MYO1H: variants seen among roughly 807,000 people sequenced by gnomAD.
The protein encoded by MYO1H is unconventional myosin-Ih.
MYO1H carries 118 observed loss-of-function variants against 149.3 expected under a neutral mutation model. That is an observed-to-expected ratio of 0.79 (90% CI 0.68 to 0.92). MYO1H has a LOEUF of 0.92. MYO1H is among the 40% of genes least tolerant of loss of function. MYO1H has a pLI of 0.00. For synonymous variants in MYO1H, 447 were observed against 465.2 expected, an observed-to-expected ratio of 0.96 and a Z score of 0.50; for missense variants, 1,212 against 1,280.7, an observed-to-expected ratio of 0.95 and a Z score of 0.82.
chr12:109,326,148 G>C, the MYO1H span, among the ~76,000 whole-genome samples: 6 of 152,146 alleles, frequency 3.9e-5, no homozygotes, highest in Non-Finnish European at 8.8e-5. Context: ...CAGACTTCTC[G>C]GGCACAACCT....
At chr12:109,405,600 G>A (rs1052787446) in intron 7 of MYO1H, among the ~76,000 whole-genome samples, 7 of 152,136 alleles carry the variant, frequency 4.6e-5, no homozygotes, top group Non-Finnish European at 7.4e-5. Flanking sequence ...GTGAGCCACC[G>A]CGCCCGGCCA....
At chr12:109,369,810 C>A (rs1868944652) in intron 1 of MYO1H, among the ~76,000 whole-genome samples, 1 of 152,152 alleles carries the variant, frequency 6.6e-6, no homozygotes. Context: ...TGTATTAGTC[C>A]ATTTTCATGC....
At chr12:109,426,641 G>A (rs556130994) in intron 18 of MYO1H, among the ~76,000 whole-genome samples, 64 of 152,302 alleles carry the variant, frequency 4.2e-4, no homozygotes, top group African/African-American at 1.4e-3. Flanking sequence ...TGTCAGAGGC[G>A]AAGGGAGTCA....
intron 30 of MYO1H, 51 bp from the exon 31 acceptor site, chr12:109,445,462 G>A (rs1297884138): frequency 9.5e-6 from 13 of 1,364,324 alleles, no homozygotes; most frequent in Admixed American, 1.9e-5. Context: ...ACCAAAGGTT[G>A]AGAGAAGAAA....
the MYO1H span, among the ~76,000 whole-genome samples, chr12:109,330,718 C>T: frequency 6.6e-6 from 1 of 152,160 alleles, no homozygotes; most frequent in African/African-American, 2.4e-5. Flanking sequence ...TAGAACGAAA[C>T]ACCACCCAGT....
the MYO1H span, among the ~76,000 whole-genome samples, chr12:109,327,128 C>CTTTTTTTTTTTTTTTTTT: frequency 9.6e-6 from 1 of 103,692 alleles, no homozygotes; most frequent in African/African-American, 4.2e-5. Flanking sequence ...TTTTCTTTTT[C>CTTTTTTTTTTTTTTTTTT]TTTTTCTTTT....
intron 1 of MYO1H, among the ~76,000 whole-genome samples, chr12:109,374,031 G>T (rs1869042204): frequency 6.6e-6 from 1 of 152,168 alleles, no homozygotes; most frequent in Admixed American, 6.5e-5. Flanking sequence ...TGGGGCCCTT[G>T]TTATAATAGA....
At chr12:109,421,622 G>C (rs1871177540) in intron 16 of MYO1H, among the ~76,000 whole-genome samples, 1 of 152,070 alleles carries the variant, frequency 6.6e-6, no homozygotes, top group Non-Finnish European at 1.5e-5. Context: ...AGGGGAAGTA[G>C]AGATTTCATT....
At chr12:109,417,646 A>G (rs1479890320) in intron 15 of MYO1H, among the ~76,000 whole-genome samples, 3 of 151,854 alleles carry the variant, frequency 2.0e-5, no homozygotes, top group Non-Finnish European at 4.4e-5. Context: ...TGTTCTTCCA[A>G]CCGTATTAGT....
chr12:109,446,465 T>C lies in MYO1H; in HGVS notation c.3094-694T>C, dbSNP rs1872482384. 3.0e-6 allele frequency: 3 copies of C among 985,306 alleles called. No individual in the cohort carries two copies. In the South Asian group the frequency reaches 1.4e-4, roughly 46 times the overall value. The allele number at this position is 985,306 out of a possible 1,614,324, so 61.0% of individuals were successfully genotyped here. A position where few individuals can be genotyped will look rare whatever the true frequency, so the allele number is the denominator to read the frequency against. On this transcript the variant is annotated intron_variant, in intron 31 of 31. Transcript: ENST00000310903. Reference sequence around the variant, plus strand: ...ACATTTAAATTTAAGTGGATTTACCTATAAAGTCATTTTGCAGGCCCGGCG... The same window carrying C: ...ACATTTAAATTTAAGTGGATTTACCCATAAAGTCATTTTGCAGGCCCGGCG...
At chr12:109,409,278 T>G (rs555007501) in intron 10 of MYO1H, among the ~76,000 whole-genome samples, 2 of 98,826 alleles carry the variant, frequency 2.0e-5, no homozygotes, top group Non-Finnish European at 3.8e-5. Flanking sequence ...TTTTTTTGAT[T>G]GTACATGGGC....
chr12:109,368,384 G>A (rs769476809), intron 1 of MYO1H, among the ~76,000 whole-genome samples: 14 of 152,148 alleles, frequency 9.2e-5, no homozygotes, highest in South Asian at 2.1e-4. Flanking sequence ...GGCTGGGCAC[G>A]GTGGCTCATG....
chr12:109,314,037 A>G, the MYO1H span, among the ~76,000 whole-genome samples: 4 of 151,920 alleles, frequency 2.6e-5, no homozygotes, highest in African/African-American at 9.7e-5. Context: ...GGCGCGCACC[A>G]CCATGCCTGG....
the MYO1H span, among the ~76,000 whole-genome samples, chr12:109,337,837 C>A: frequency 6.6e-6 from 1 of 152,058 alleles, no homozygotes; most frequent in African/African-American, 2.4e-5. Context: ...GAGGGTAGTA[C>A]AATATGCACA....
intron 7 of MYO1H, among the ~76,000 whole-genome samples, chr12:109,405,176 G>T (rs1459898758): frequency 1.3e-5 from 2 of 151,784 alleles, no homozygotes; most frequent in Non-Finnish European, 2.9e-5. Flanking sequence ...TGGCACCATT[G>T]CACTCCAGCC....
intron 1 of MYO1H, among the ~76,000 whole-genome samples, chr12:109,376,858 T>C (rs1869097222): frequency 6.6e-6 from 1 of 152,242 alleles, no homozygotes; most frequent in African/African-American, 2.4e-5. Flanking sequence ...TTGATTGTGA[T>C]AGTATTGAAT....
intron 31 of MYO1H, chr12:109,446,518 C>T: frequency 1.1e-6 from 1 of 944,098 alleles, no homozygotes; most frequent in Non-Finnish European, 1.3e-6. Context: ...AATCCCAGCA[C>T]TTTGGGAGGC....
chr12:109,362,277 A>T (rs915707154), intron 1 of MYO1H, among the ~76,000 whole-genome samples: 3 of 152,236 alleles, frequency 2.0e-5, no homozygotes, highest in African/African-American at 7.2e-5. Flanking sequence ...TTGAAAGGAC[A>T]TCTTTCTGTA....
intron 1 of MYO1H, among the ~76,000 whole-genome samples, chr12:109,373,979 T>G (rs926526889): frequency 5.9e-5 from 9 of 152,166 alleles, no homozygotes; most frequent in African/African-American, 2.2e-4. Flanking sequence ...AGAGTGAGAC[T>G]CTGTCTCAAA....
Sources: allele counts gnomAD v4.1 joint callset (sites outside exome capture counted in the v4.1 genomes callset), GRCh38; gene constraint gnomAD v4.1.1; transcripts MANE v1.5; gene names NCBI Gene and HGNC (gene_info 2026-07-23, HGNC 2026-07-21).